FAM9C: variants seen among roughly 807,000 people sequenced by gnomAD.
FAM9C encodes the protein protein FAM9C.
A neutral mutation model predicts 14.8 loss-of-function variants in FAM9C; 15 were observed. The ratio of observed to expected loss-of-function variants is 1.02; its 90% CI spans 0.68 to 1.56. FAM9C has a LOEUF of 1.56. Ranked by LOEUF, FAM9C falls within the 40% of genes most tolerant of loss-of-function variation. The pLI is 0.00. For synonymous variants in FAM9C, 45 were observed against 37.5 expected (o/e 1.20, Z -0.74); for missense variants, 116 against 118.0 (o/e 0.98, Z 0.08).
intron 4 of FAM9C, 143 bp downstream of exon 4, chrX:13,042,775 T>A: frequency 1.5e-6 from 1 of 657,453 alleles, no homozygotes; most frequent in Non-Finnish European, 2.4e-6. Context: ...TAAGAAAAAT[T>A]ATTAAACAGA....
chrX:13,042,575 T>TA (rs57544006), intron 4 of FAM9C: 7,579 of 201,617 alleles, frequency 0.038, 591 homozygotes, highest in African/African-American at 0.21. Flanking sequence ...AAGTAAAAGC[T>TA]AAAAAAAAAC....
At chrX:13,041,570 T>C (rs2043527969) in intron 4 of FAM9C, 1 of 112,120 alleles carries the variant, frequency 8.9e-6, no homozygotes, top group Admixed American at 9.4e-5. Context: ...CACAAAAAAG[T>C]ATCTGATTTA....
chrX:13,037,622 G>A (rs183128283), intron 7 of FAM9C: 1 of 112,650 alleles, frequency 8.9e-6, no homozygotes, highest in East Asian at 2.8e-4. Flanking sequence ...AGTTAGTGTA[G>A]AGGAGTGACA....
chrX:13,043,609 G>T (rs750776666), intron 2 of FAM9C, 120 bp downstream of exon 2: 2 of 869,907 alleles, frequency 2.3e-6, no homozygotes, highest in African/African-American at 2.0e-5. Flanking sequence ...GCACATGCAC[G>T]GTGAGCTCCA....
chrX:13,043,339 T>C, intron 2 of FAM9C, 91 bp from the exon 3 acceptor site: 1 of 1,079,702 alleles, frequency 9.3e-7, no homozygotes, highest in South Asian at 2.4e-5. Context: ...GTAGACTTTT[T>C]TGGCTCTCCG....
intron 1 of FAM9C, 139 bp downstream of exon 1, chrX:13,044,400 TC>T (rs1480897019): frequency 1.1e-5 from 1 of 92,874 alleles, no homozygotes; most frequent in Non-Finnish European, 2.1e-5. Context: ...CAGCTCCAAC[TC>T]CCTGCCCTGA....
chrX:13,043,447 A>G (rs1046854557), intron 2 of FAM9C, among the ~76,000 whole-genome samples, 199 bp from the exon 3 acceptor site: 13 of 112,452 alleles, frequency 1.2e-4, no homozygotes, highest in African/African-American at 4.2e-4. Context: ...AAGTCCCAGT[A>G]AACAACGTTC....
In FAM9C at chrX:13,040,848, G is replaced by A. The variant is rs150569673; in HGVS notation, c.239C>T (p.Ala80Val). The A allele has an allele frequency of 2.5e-4, 295 of 1,174,780 alleles. 1 individual carries two copies. In the East Asian group the frequency reaches 6.5e-3, roughly 26 times the overall value. ...AATCTTTTCAATCCTTTTTCTCTTT[G>A]CAGCAAGATGCTCTTTAATGTCAGC... ...IAADIKEHLAAKRKRIEKIAK... is the reference protein window; with the variant it reads ...IAADIKEHLAVKRKRIEKIAK... Residue 80 changes from alanine (A) to valine (V), a missense_variant, in exon 5 of 8, where the codon GCA becomes GTA. By Grantham distance (64) the Ala-to-Val change is moderately conservative. Transcript: ENST00000380625.
chrX:13,043,674 GCAGA>G (rs2043549148), intron 2 of FAM9C, 51 bp downstream of exon 2: 3 of 1,189,304 alleles, frequency 2.5e-6, no homozygotes, highest in East Asian at 3.0e-5. Context: ...CGCCCAGAAA[GCAGA>G]CAGACTGTTG....
Sources: allele counts gnomAD v4.1 joint callset (sites outside exome capture counted in the v4.1 genomes callset), GRCh38; gene constraint gnomAD v4.1.1; transcripts MANE v1.5; gene names NCBI Gene and HGNC (gene_info 2026-07-23, HGNC 2026-07-21).